SLCO3A1: variants seen among roughly 807,000 people sequenced by gnomAD.
SLCO3A1 encodes the protein solute carrier organic anion transporter family member 3A1.
A neutral mutation model predicts 63.1 loss-of-function variants in SLCO3A1; 27 were observed. The observed-to-expected ratio is 0.43, with a 90% CI of 0.32 to 0.59. The LOEUF is 0.59. SLCO3A1 is among the 20% of genes least tolerant of loss of function. SLCO3A1 has a pLI of 0.09. For missense variants in SLCO3A1, 773 were observed against 945.8 expected (o/e 0.82, Z 2.40); for synonymous variants, 473 against 409.9 (o/e 1.15, Z -1.86).
intron 2 of SLCO3A1, among the ~76,000 whole-genome samples, chr15:91,993,604 T>TTCTAAAAAAAA (rs2046153844): frequency 6.6e-6 from 1 of 152,184 alleles, no homozygotes; most frequent in South Asian, 2.1e-4. Flanking sequence ...AATGCAGGCA[T>TTCTAAAAAAAA]AGTGAAGATC....
At chr15:91,874,965 A>G (rs1382083404) in intron 1 of SLCO3A1, among the ~76,000 whole-genome samples, 1 of 152,194 alleles carries the variant, frequency 6.6e-6, no homozygotes, top group Non-Finnish European at 1.5e-5. Flanking sequence ...TTTCAAGTAC[A>G]TTGTATTAAA....
rs957073475 is a variant in SLCO3A1, at chr15:92,094,774, A to C, written c.647-107A>C. The C allele has an allele frequency of 2.6e-5, 18 of 695,204 alleles. No individual in the cohort carries two copies. In the African/African-American group the frequency reaches 3.2e-4, roughly 12 times the overall value. The allele number at this position is 695,204 out of a possible 1,614,324, so 43.1% of individuals were successfully genotyped here. On this transcript the variant is annotated intron_variant, in intron 2 of 9. Coordinates refer to ENST00000318445, the MANE Select transcript of SLCO3A1 (RefSeq NM_013272.4). ...TCTAGGATTTTTAGATGAATTCCTA[A>C]TGTCATCTCATCTCATCAATGTAAA...
chr15:92,105,670 C>T (rs2047659463), intron 4 of SLCO3A1, among the ~76,000 whole-genome samples: 1 of 152,180 alleles, frequency 6.6e-6, no homozygotes, highest in Non-Finnish European at 1.5e-5. Context: ...ACTCCTTGCT[C>T]AGCTCCCCTG....
intron 2 of SLCO3A1, among the ~76,000 whole-genome samples, chr15:92,016,266 A>ATAGATAGATATAGATAGGTAGAT (rs1555424459): frequency 7.4e-6 from 1 of 134,912 alleles, no homozygotes; most frequent in East Asian, 2.2e-4. Flanking sequence ...AGATAGATAG[A>ATAGATAGATATAGATAGGTAGAT]TAGATAGATA....
rs143830217 is a variant in SLCO3A1, at chr15:92,000,836, T to C, written c.646+84378T>C. Among the ~76,000 whole-genome samples the C allele has an allele frequency of 7.2e-5, 11 of 152,310 alleles. No homozygotes were observed. In the East Asian group the frequency reaches 2.1e-3, roughly 30 times the overall value. On this transcript the variant is annotated intron_variant, in intron 2 of 9. Transcript: ENST00000318445. ...GTACCTTGCCTGTGTGCACACACGC[T>C]TGTACGCTTGTATTCATCTCATGCT...
intron 1 of SLCO3A1, among the ~76,000 whole-genome samples, chr15:91,913,932 A>G (rs1450926302): frequency 6.6e-6 from 1 of 151,888 alleles, no homozygotes; most frequent in Non-Finnish European, 1.5e-5. Flanking sequence ...CCCTCTCTCA[A>G]TATGGCCCAG....
chr15:92,148,824 T>C (rs1468638719), intron 8 of SLCO3A1: 1 of 152,324 alleles, frequency 6.6e-6, no homozygotes, highest in Non-Finnish European at 1.5e-5. Flanking sequence ...GTGAGTTAAA[T>C]TATGGCACTG....
intron 3 of SLCO3A1, among the ~76,000 whole-genome samples, chr15:92,100,934 A>G (rs2047597731): frequency 6.6e-6 from 1 of 152,186 alleles, no homozygotes; most frequent in African/African-American, 2.4e-5. Flanking sequence ...TCCACACAGA[A>G]GTGATATATG....
chr15:91,956,992 AG>A (rs1353295842), intron 2 of SLCO3A1, among the ~76,000 whole-genome samples: 1 of 24,814 alleles, frequency 4.0e-5, no homozygotes, highest in Non-Finnish European at 6.3e-5. Flanking sequence ...TATAATATAT[AG>A]TATATATTAT....
rs1245169481 is a variant in SLCO3A1 at position 91,875,457 on chromosome 15, A to T, written c.180+21369A>T. On this transcript the variant is annotated intron_variant, in intron 1 of 9. Transcript: ENST00000318445. The surrounding 1 kb of genome is among the most constrained non-coding windows in gnomAD (Gnocchi z 4.5). Reference sequence around the variant, plus strand: ...AAGAGACTGCCTGGATTCCAATCCCAGCTCTGCCCGTCACATGTGACGTAA... The same window carrying T: ...AAGAGACTGCCTGGATTCCAATCCCTGCTCTGCCCGTCACATGTGACGTAA... 1.3e-5 allele frequency among the ~76,000 whole-genome samples: 2 copies of T among 152,188 alleles called. No homozygotes were observed. The highest frequency in any genetic ancestry group is 3.2e-3 in the Middle Eastern group (1 of 316).
At chr15:91,861,328 G>A (rs1332861712) in intron 1 of SLCO3A1, among the ~76,000 whole-genome samples, 1 of 152,202 alleles carries the variant, frequency 6.6e-6, no homozygotes, top group Non-Finnish European at 1.5e-5. Flanking sequence ...TCCCTTGGAT[G>A]TACACAGAAC....
chr15:91,923,678 A>C (rs1431272579), intron 2 of SLCO3A1, among the ~76,000 whole-genome samples: 1 of 152,266 alleles, frequency 6.6e-6, no homozygotes, highest in African/African-American at 2.4e-5. Context: ...ATGTAATAAG[A>C]AAACCTAAAT....
At chr15:91,879,093 T>G (rs926788052) in intron 1 of SLCO3A1, among the ~76,000 whole-genome samples, 2 of 152,170 alleles carry the variant, frequency 1.3e-5, no homozygotes, top group Non-Finnish European at 2.9e-5. Flanking sequence ...CACATGCAAA[T>G]TCTGAAGGGT....
intron 1 of SLCO3A1, among the ~76,000 whole-genome samples, chr15:91,855,284 C>G (rs1419905669): frequency 2.6e-5 from 4 of 152,146 alleles, no homozygotes; most frequent in African/African-American, 9.7e-5. Context: ...CATAAACTAT[C>G]TCTTAAGGCT....
intron 2 of SLCO3A1, among the ~76,000 whole-genome samples, chr15:91,989,459 G>A (rs7179063): frequency 0.24 from 36,149 of 151,938 alleles, 4,436 homozygotes; most frequent in East Asian, 0.39. Context: ...TATGGATTGC[G>A]TGATTGAATG....
At chr15:92,118,742 C>T (rs79651715) in intron 4 of SLCO3A1, among the ~76,000 whole-genome samples, 2,889 of 152,262 alleles carry the variant, frequency 0.019, 101 homozygotes, top group African/African-American at 0.066. Context: ...TTTTCCTAGA[C>T]GTGGTGTAGT....
intron 2 of SLCO3A1, among the ~76,000 whole-genome samples, chr15:91,926,995 A>G (rs1428398434): frequency 6.6e-6 from 1 of 152,164 alleles, no homozygotes; most frequent in Admixed American, 6.5e-5. Flanking sequence ...GTATGGAGTG[A>G]CAGATGGCAT....
chr15:91,905,302 C>A (rs968482211), intron 1 of SLCO3A1, among the ~76,000 whole-genome samples: 4 of 152,168 alleles, frequency 2.6e-5, no homozygotes, highest in Non-Finnish European at 5.9e-5. Flanking sequence ...ATATAGCTAT[C>A]CCTTGGGATC....
At position 91,854,391 on chromosome 15, in the gene SLCO3A1, C is replaced by A. The variant is rs1896858511; in HGVS notation, c.180+303C>A. 4.7e-6 allele frequency: 5 copies of A among 1,053,824 alleles called. No homozygotes were observed. The highest frequency in any genetic ancestry group is 1.3e-4 in the East Asian group (2 of 15,408). The allele number at this position is 1,053,824 out of a possible 1,614,324, so 65.3% of individuals were successfully genotyped here. ...GGGCGTGAAACTATTCCTCTCCCCCCATAAGAGCGGAGCGAGACGGTGAGT... is the reference window on the plus strand; with the variant it reads ...GGGCGTGAAACTATTCCTCTCCCCCAATAAGAGCGGAGCGAGACGGTGAGT... On this transcript the variant is annotated intron_variant, in intron 1 of 9. Coordinates refer to ENST00000318445, the MANE Select transcript of SLCO3A1 (RefSeq NM_013272.4). This position sits in a 1 kb window ranked among gnomAD's most constrained non-coding sequence, Gnocchi z 6.4.
Sources: allele counts gnomAD v4.1 joint callset (sites outside exome capture counted in the v4.1 genomes callset), GRCh38; gene constraint gnomAD v4.1.1; non-coding constraint Gnocchi (gnomAD v3.1); transcripts MANE v1.5; gene names NCBI Gene and HGNC (gene_info 2026-07-23, HGNC 2026-07-21).